ADGRE5: variants seen among roughly 807,000 people sequenced by gnomAD.
ADGRE5 encodes CD97 molecule.
In ADGRE5, 72 loss-of-function variants were observed where a neutral mutation model predicts 100.3. That is an observed-to-expected ratio of 0.72 (90% confidence interval 0.59 to 0.87). ADGRE5 has a LOEUF of 0.87. Among genes scored for constraint, ADGRE5 ranks in the 40% least tolerant of loss-of-function variants. The pLI, the probability that ADGRE5 is intolerant of heterozygous loss-of-function variation, is 0.00. For synonymous variants in ADGRE5, 439 were observed against 447.8 expected, an observed-to-expected ratio of 0.98 and a Z score of 0.25; for missense variants, 959 against 1,094.7, an observed-to-expected ratio of 0.88 and a Z score of 1.75.
intron 13 of ADGRE5, chr19:14,405,224 A>G (rs1337037338): frequency 6.7e-6 from 1 of 149,368 alleles, no homozygotes; most frequent in African/African-American, 2.5e-5. Context: ...GCTCACTGCA[A>G]CCCCCGCCTC....
chr19:14,402,943 C>G (rs555983163), intron 12 of ADGRE5, 81 bp downstream of exon 12: 28 of 1,378,420 alleles, frequency 2.0e-5, no homozygotes, highest in Non-Finnish European at 2.6e-5. Flanking sequence ...GATGCTCTTT[C>G]CCGACGTGAC....
At chr19:14,382,036 C>A (rs2146340077) in intron 1 of ADGRE5, among the ~76,000 whole-genome samples, 1 of 152,322 alleles carries the variant, frequency 6.6e-6, no homozygotes, top group East Asian at 1.9e-4. Flanking sequence ...TTGCTCCCCG[C>A]AGACCTGGCT....
At chr19:14,407,322 A>T (rs1599636978) in intron 18 of ADGRE5, 93 bp downstream of exon 18, 1 of 1,425,158 alleles carries the variant, frequency 7.0e-7, no homozygotes, top group East Asian at 2.3e-5. Flanking sequence ...GAAGTTGGAG[A>T]CCAGCCTGGG....
At chr19:14,404,079 A>G (rs897516818) in intron 12 of ADGRE5, among the ~76,000 whole-genome samples, 3 of 151,822 alleles carry the variant, frequency 2.0e-5, no homozygotes, top group Non-Finnish European at 2.9e-5. Flanking sequence ...GGGTTTCGCC[A>G]TGTTGGCCAG....
Position 14,393,690 on chromosome 19 carries a change from A to G in ADGRE5, c.346+2611A>G, listed in dbSNP as rs73924174. ...TGCCCTGCATTCAGGCAGAGCACAG[A>G]GGGATAAAGAGGGAGGTGGGTTGGG... On this transcript the variant is annotated intron_variant, in intron 4 of 19. Coordinates refer to ENST00000242786, the MANE Select transcript of ADGRE5 (RefSeq NM_078481.4). Among the ~76,000 whole-genome samples, 667 of 152,272 alleles carry G rather than the reference A, an allele frequency of 4.4e-3. 9 individuals are homozygous for G. Among genetic ancestry groups the G allele is most frequent in the African/African-American group, 0.016 (645 of 41,546 alleles).
chr19:14,389,505 G>A (rs1355692794), intron 3 of ADGRE5, among the ~76,000 whole-genome samples: 1 of 151,256 alleles, frequency 6.6e-6, no homozygotes, highest in East Asian at 2.0e-4. Flanking sequence ...GGCCGAGGTG[G>A]ACAGATCACT....
chr19:14,395,785 C>T lies in ADGRE5; in HGVS notation c.347-557C>T, dbSNP rs115573999. On this transcript the variant is annotated intron_variant, in intron 4 of 19. Transcript: ENST00000242786. ...AGCCCTAGCCTGTCCCACATCATCC[C>T]GCACTCTCCCCACCCCTGCTATTGC... 5.4e-3 allele frequency among the ~76,000 whole-genome samples: 829 copies of T among 152,272 alleles called. 14 individuals carry two copies. Among genetic ancestry groups the T allele is most frequent in the African/African-American group, 0.019 (802 of 41,560 alleles).
rs781566186 is a variant in ADGRE5 at position 14,407,067 on chromosome 19, G to A, written c.2214G>A (p.Leu738=). ...GCAACCCCGCTCCTCGCAGGGCGCT[G>A]ACCATCACGGCCATCGCGCAGCTCT... is the stretch of plus-strand genomic sequence containing the variant. The part of the protein sequence containing the change: ...DMKKLKKARA[L]TITAIAQLFL... Residue 738 remains leucine, a synonymous_variant, in exon 18 of 20, where the codon CTG becomes CTA. Transcript: ENST00000242786. The A allele has an allele frequency of 3.1e-6, 5 of 1,614,104 alleles. No individual in the cohort carries two copies. The highest frequency in any genetic ancestry group is 4.2e-6 in the Non-Finnish European group (5 of 1,180,036).
intron 12 of ADGRE5, among the ~76,000 whole-genome samples, chr19:14,403,858 C>G (rs1394330418): frequency 1.4e-5 from 2 of 142,158 alleles, no homozygotes; most frequent in East Asian, 4.2e-4. Flanking sequence ...TAATCTGCCT[C>G]TCCCACTTTT....
At position 14,406,680 on chromosome 19, in the gene ADGRE5, A is replaced by G; in HGVS notation, c.2049-20A>G. On this transcript the variant is annotated intron_variant, in intron 15 of 19. Transcript: ENST00000242786. This position sits in a 1 kb window ranked among gnomAD's most constrained non-coding sequence, Gnocchi z 6.0. ...CCTGGCTTCCTGGGGCACTGATGGG[A>G]CCCCTCCCTTCCCTCCTAGCTGCTG... is the stretch of plus-strand genomic sequence containing the variant. 1.2e-6 allele frequency: 2 copies of G among 1,610,946 alleles called. No individual in the cohort carries two copies.
In ADGRE5 at chr19:14,397,749, A is replaced by G. The variant is rs1467293657; in HGVS notation, c.717A>G (p.Pro239=). The change falls in exon 7 of 20, where the codon CCA becomes CCG. Residue 239 remains proline, a synonymous_variant. Coordinates refer to ENST00000242786, the MANE Select transcript of ADGRE5 (RefSeq NM_078481.4). ...TVGSYSCRCR[P]GWKPRHGIPN... ...GTTCATACAGCTGCCGCTGCCGCCC[A>G]GGCTGGAAGCCCAGACACGGAATCC... 1 of 1,407,590 alleles carries G rather than the reference A, an allele frequency of 7.1e-7. No individual in the cohort carries two copies. The highest frequency in any genetic ancestry group is 9.8e-7 in the Non-Finnish European group (1 of 1,017,422). The allele number at this position is 1,407,590 out of a possible 1,614,324, so 87.2% of individuals were successfully genotyped here.
At chr19:14,391,340 A>G (rs1174231408) in intron 4 of ADGRE5, 5 of 520,610 alleles carry the variant, frequency 9.6e-6, no homozygotes, top group Non-Finnish European at 1.7e-5. Flanking sequence ...TTATTCAGAA[A>G]CCGCTGTCCA....
chr19:14,404,778 G>T, intron 13 of ADGRE5: 1 of 525,824 alleles, frequency 1.9e-6, no homozygotes, highest in East Asian at 3.6e-5. Flanking sequence ...CACTAGCTCC[G>T]CTCCTCTGCC....
chr19:14,408,108 A>G lies in ADGRE5; in HGVS notation c.2495A>G (p.Glu832Gly). The G allele has an allele frequency of 1.2e-6, 2 of 1,613,564 alleles. No homozygotes were observed. The highest frequency in any genetic ancestry group is 1.7e-6 in the Non-Finnish European group (2 of 1,180,004). The part of the protein sequence containing the change: ...HNQTRALRAS[E>G]SGI ...CCTCTCCAGGCCCTCAGGGCATCAG[A>G]GTCCGGCATATGAAGGCGCATGGTT... The change falls in exon 20 of 20, where the codon GAG becomes GGG. Residue 832 changes from glutamate (E) to glycine (G), a missense_variant. By Grantham distance (98) the Glu-to-Gly change is moderately conservative (BLOSUM62 -2). Around this residue, in one of 6 missense-constraint regions of ADGRE5, gnomAD observed 428 missense variants for 386.2 expected, o/e 1.11. Transcript: ENST00000242786.
chr19:14,396,759 G>T (rs373669459), intron 5 of ADGRE5, among the ~76,000 whole-genome samples: 3 of 152,210 alleles, frequency 2.0e-5, no homozygotes, highest in African/African-American at 7.2e-5. Context: ...GTTCTAAGAA[G>T]GGGAATCTCC....
intron 1 of ADGRE5, among the ~76,000 whole-genome samples, chr19:14,388,006 G>A (rs1975421562): frequency 6.6e-6 from 1 of 151,992 alleles, no homozygotes; most frequent in South Asian, 2.1e-4. Flanking sequence ...AACCCAGGAG[G>A]TAGAGATTGC....
chr19:14,407,342 C>A, intron 18 of ADGRE5, 113 bp downstream of exon 18: 1 of 1,192,694 alleles, frequency 8.4e-7, no homozygotes, highest in Non-Finnish European at 1.2e-6. Flanking sequence ...GCAACATAAC[C>A]AGATGCTGTC....
chr19:14,388,802 G>A lies in ADGRE5; in HGVS notation c.174G>A (p.Pro58=), dbSNP rs150665764. ...FSSFSEIITT[P]TETCDDINEC... is the part of the protein sequence containing the mutation. Reference sequence around the variant, plus strand: ...CTTTTTCTGAGATCATCACCACCCCGACGGAGACTTGTGACGGTACAGAGG... The same window carrying A: ...CTTTTTCTGAGATCATCACCACCCCAACGGAGACTTGTGACGGTACAGAGG... The change falls in exon 3 of 20, where the codon CCG becomes CCA. Residue 58 remains proline, a synonymous_variant. Coordinates refer to ENST00000242786, the MANE Select transcript of ADGRE5 (RefSeq NM_078481.4). The A allele has an allele frequency of 7.1e-5, 114 of 1,603,420 alleles. 1 individual carries two copies. The highest frequency in any genetic ancestry group is 3.3e-4 in the Middle Eastern group (2 of 6,054).
chr19:14,404,383 G>T lies in ADGRE5; in HGVS notation c.1450G>T (p.Asp484Tyr), dbSNP rs772503801. The T allele has an allele frequency of 2.5e-6, 4 of 1,607,862 alleles. No individual in the cohort carries two copies. Among genetic ancestry groups the T allele is most frequent in the Non-Finnish European group, 2.5e-6 (3 of 1,178,238 alleles). Residue 484 changes from aspartate to tyrosine, a missense_variant and splice_region_variant, in exon 13 of 20, where the codon GAC becomes TAC. Asp to Tyr is a radical substitution (Grantham distance 160). This residue lies in a region of ADGRE5 where 246 missense variants were observed against 242.2 expected (regional missense o/e 1.02). Transcript: ENST00000242786. Reference protein sequence around the residue: ...GEAGRDPPAKDVMPGPRQELL... With the variant: ...GEAGRDPPAKYVMPGPRQELL... Reference sequence around the variant, plus strand: ...TCTGACCACCCCCATCTGCCCACAGGACGTGATGCCTGGGCCACGGCAGGA... The same window carrying T: ...TCTGACCACCCCCATCTGCCCACAGTACGTGATGCCTGGGCCACGGCAGGA...
Sources: gnomAD v4.1 joint callset for allele counts (sites outside exome capture counted in the v4.1 genomes callset) on GRCh38, gnomAD v4.1.1 for gene constraint, gnomAD v4.1.1 regional missense constraint, Gnocchi (gnomAD v3.1) non-coding constraint, MANE v1.5 for transcripts, NCBI Gene and HGNC (gene_info 2026-07-23, HGNC 2026-07-21) for gene names.